Variants in CSE1L observed in about 807,000 individuals in gnomAD.
The protein encoded by CSE1L is exportin-2.
Under a neutral mutation model 120.4 loss-of-function variants are expected in CSE1L, and 24 were observed. The ratio of observed to expected loss-of-function variants is 0.20; its 90% CI spans 0.14 to 0.28. CSE1L has a LOEUF of 0.28. Among genes scored for constraint, CSE1L ranks in the 10% least tolerant of loss-of-function variants. The pLI, the probability that CSE1L is intolerant of heterozygous loss-of-function variation, is 1.00. For synonymous variants in CSE1L, 402 were observed against 398.3 expected (o/e 1.01, Z -0.11); for missense variants, 830 against 1,145.2 (o/e 0.72, Z 3.97).
chr20:49,053,700 G>C (rs1245140628), intron 1 of CSE1L, among the ~76,000 whole-genome samples: 1 of 152,088 alleles, frequency 6.6e-6, no homozygotes, highest in East Asian at 1.9e-4. Context: ...ACAGAAAAAA[G>C]GAATAGGAAA....
intron 16 of CSE1L, among the ~76,000 whole-genome samples, chr20:49,087,795 TC>T (rs892591511): frequency 4.4e-4 from 67 of 152,310 alleles, no homozygotes; most frequent in African/African-American, 1.6e-3. Flanking sequence ...CTAGAAATAC[TC>T]AGTATTTCCC....
At chr20:49,093,998 TCA>T in intron 22 of CSE1L, 140 bp from the exon 23 acceptor site, 2 of 589,758 alleles carry the variant, frequency 3.4e-6, no homozygotes, top group South Asian at 4.9e-5. Context: ...GTTTTGACTT[TCA>T]GTCTCTTCAG....
chr20:49,056,741 C>G (rs1452014271), intron 1 of CSE1L, among the ~76,000 whole-genome samples: 1 of 151,054 alleles, frequency 6.6e-6, no homozygotes, highest in Non-Finnish European at 1.5e-5. Flanking sequence ...CCTTTTTTTC[C>G]CATTTTTAAT....
intron 19 of CSE1L, among the ~76,000 whole-genome samples, chr20:49,090,175 T>C (rs2092090091): frequency 6.6e-6 from 1 of 152,246 alleles, no homozygotes; most frequent in East Asian, 1.9e-4. Context: ...GAAAATGTTA[T>C]GGTATGTTTT....
rs1474830494 is a variant in CSE1L, at chr20:49,075,527, A to G, written c.1335+7A>G. ...AAAAGCCCAAACACAGAAGGTAAAT[A>G]TTTTTAATGTGGTTTTGTTTCTAAA... On this transcript the variant is annotated splice_region_variant and intron_variant, in intron 12 of 24. Coordinates refer to ENST00000262982, the MANE Select transcript of CSE1L (RefSeq NM_001316.4). The G allele has an allele frequency of 1.2e-6, 2 of 1,611,624 alleles. No homozygotes were observed. Among genetic ancestry groups the G allele is most frequent in the Non-Finnish European group, 1.7e-6 (2 of 1,177,948 alleles).
At chr20:49,059,953 G>C (rs949869038) in intron 2 of CSE1L, among the ~76,000 whole-genome samples, 3 of 152,050 alleles carry the variant, frequency 2.0e-5, no homozygotes, top group Non-Finnish European at 4.4e-5. Flanking sequence ...GGGAGGCCAA[G>C]GCAGGAAGAT....
At chr20:49,087,962 A>G in intron 16 of CSE1L, 47 bp from the exon 17 acceptor site, 2 of 1,315,958 alleles carry the variant, frequency 1.5e-6, no homozygotes, top group Non-Finnish European at 2.1e-6. Flanking sequence ...TCTTATTCTG[A>G]AGTTTAACTA....
At chr20:49,053,308 CACTGATGTTAATGATTTA>C (rs1458632577) in intron 1 of CSE1L, among the ~76,000 whole-genome samples, 1 of 146,686 alleles carries the variant, frequency 6.8e-6, no homozygotes, top group Admixed American at 6.8e-5. Flanking sequence ...AACTCAGATA[CACTGATGTTAATGATTTA>C]ACTTGACCAC....
At position 49,083,199 on chromosome 20, in the gene CSE1L, T is replaced by C. The variant is rs182999216; in HGVS notation, c.1483-827T>C. Among the ~76,000 whole-genome samples, 195 of 152,078 alleles carry C rather than the reference T, an allele frequency of 1.3e-3. 3 individuals are homozygous for C. The highest frequency in any genetic ancestry group is 6.8e-3 in the Middle Eastern group (2 of 294). ...GCCACCACGTCTGGCTAATTTTTTG[T>C]ATTTTTAGTAGAGGTTTCACCATGT... On this transcript the variant is annotated intron_variant, in intron 14 of 24. Coordinates refer to ENST00000262982, the MANE Select transcript of CSE1L (RefSeq NM_001316.4).
intron 1 of CSE1L, among the ~76,000 whole-genome samples, chr20:49,049,460 C>T (rs2091748629): frequency 1.3e-5 from 2 of 152,154 alleles, no homozygotes; most frequent in Non-Finnish European, 2.9e-5. Flanking sequence ...GGATTACAGG[C>T]ATGAGCCACC....
chr20:49,081,184 A>ATG (rs1407554296), intron 14 of CSE1L, among the ~76,000 whole-genome samples: 2 of 152,050 alleles, frequency 1.3e-5, no homozygotes, highest in Admixed American at 6.5e-5. Flanking sequence ...GGGTTTCACC[A>ATG]TGTTGGCCAG....
chr20:49,094,028 T>C, intron 22 of CSE1L, 112 bp from the exon 23 acceptor site: 1 of 713,970 alleles, frequency 1.4e-6, no homozygotes, highest in Admixed American at 3.3e-5. Context: ...AAAACAGCAG[T>C]CTTGTTATTT....
At position 49,066,268 on chromosome 20, in the gene CSE1L, G is replaced by A. The variant is rs749114451; in HGVS notation, c.305G>A (p.Ser102Asn). 7.4e-6 allele frequency: 12 copies of A among 1,614,118 alleles called. No individual in the cohort carries two copies. Among genetic ancestry groups the A allele is most frequent in the Non-Finnish European group, 1.0e-5 (12 of 1,180,054 alleles). ...IKANIVHLML[S>N]SPEQIQKQLS... Reference sequence around the variant, plus strand: ...GCCAACATAGTGCACTTGATGCTTAGCAGCCCAGAGCAAATTCAGAAGCAG... The same window carrying A: ...GCCAACATAGTGCACTTGATGCTTAACAGCCCAGAGCAAATTCAGAAGCAG... The change falls in exon 4 of 25, where the codon AGC (serine) becomes AAC (asparagine). Residue 102 changes from serine (S) to asparagine (N), a missense_variant. Around this residue, in one of 4 missense-constraint regions of CSE1L, gnomAD observed 543 missense variants for 640.2 expected, o/e 0.85. Transcript: ENST00000262982.
intron 1 of CSE1L, among the ~76,000 whole-genome samples, chr20:49,054,114 T>C (rs2091788969): frequency 1.3e-5 from 2 of 152,238 alleles, no homozygotes; most frequent in Admixed American, 1.3e-4. Flanking sequence ...ATTGTATGTG[T>C]GGTTTAATGG....
rs57808069 is a variant in CSE1L, at chr20:49,078,003, CA to C, written c.1421-547del. Among the ~76,000 whole-genome samples the C allele has an allele frequency of 2.2e-3, 316 of 142,942 alleles. 1 individual carries two copies. Among genetic ancestry groups the C allele is most frequent in the African/African-American group, 7.5e-3 (290 of 38,902 alleles). 93.8% of individuals were successfully genotyped at this position (142,942 alleles called of 152,430 possible). ...TGGGATACAGAGCGAGACTCTGTCTCAAAAAAAAAAATTAAGGATAGTTTCT... is the reference window on the plus strand; with the variant it reads ...TGGGATACAGAGCGAGACTCTGTCTCAAAAAAAAAATTAAGGATAGTTTCT... On this transcript the variant is annotated intron_variant, in intron 13 of 24. Coordinates refer to ENST00000262982, the MANE Select transcript of CSE1L (RefSeq NM_001316.4).
intron 6 of CSE1L, among the ~76,000 whole-genome samples, chr20:49,067,868 T>C (rs2091904881): frequency 6.6e-6 from 1 of 150,964 alleles, no homozygotes; most frequent in African/African-American, 2.4e-5. Context: ...TCCAAGTAGC[T>C]GGGACTACAG....
intron 1 of CSE1L, among the ~76,000 whole-genome samples, chr20:49,046,922 C>G (rs1247223353): frequency 6.6e-6 from 1 of 152,242 alleles, no homozygotes; most frequent in East Asian, 1.9e-4. Flanking sequence ...GTCCCTTGCC[C>G]TAACTCTAGT....
intron 1 of CSE1L, among the ~76,000 whole-genome samples, chr20:49,049,057 C>T (rs1441108712): frequency 6.6e-6 from 1 of 152,150 alleles, no homozygotes; most frequent in Non-Finnish European, 1.5e-5. Context: ...GCCATTCATT[C>T]AACAAGAAGA....
intron 3 of CSE1L, among the ~76,000 whole-genome samples, chr20:49,065,085 G>A (rs2091880446): frequency 6.6e-6 from 1 of 151,080 alleles, no homozygotes; most frequent in Non-Finnish European, 1.5e-5. Flanking sequence ...CTTGAGTCTG[G>A]GAGGTGAAGG....
Sources: allele counts gnomAD v4.1 joint callset (sites outside exome capture counted in the v4.1 genomes callset), GRCh38; gene constraint gnomAD v4.1.1; regional missense constraint gnomAD v4.1.1; transcripts MANE v1.5; gene names NCBI Gene and HGNC (gene_info 2026-07-23, HGNC 2026-07-21).